EPHA4: variants seen among roughly 807,000 people sequenced by gnomAD.
EPHA4 encodes the protein ephrin type-A receptor 4.
EPHA4 carries 19 observed loss-of-function variants against 108.3 expected under a neutral mutation model. The observed-to-expected ratio is 0.18, with a 90% CI of 0.12 to 0.26. EPHA4 has a LOEUF of 0.26. Ranked by LOEUF, EPHA4 falls within the 10% of genes least tolerant of loss-of-function variation. EPHA4 has a pLI of 1.00. For missense variants in EPHA4, 917 were observed against 1,254.0 expected, an observed-to-expected ratio of 0.73 and a Z score of 4.06; for synonymous variants, 449 against 455.5, an observed-to-expected ratio of 0.99 and a Z score of 0.18.
At chr2:221,519,046 A>G (rs1326229857) in intron 3 of EPHA4, among the ~76,000 whole-genome samples, 1 of 152,186 alleles carries the variant, frequency 6.6e-6, no homozygotes, top group Non-Finnish European at 1.5e-5. Flanking sequence ...AATAAATCTT[A>G]TCAAAGGCAG....
At chr2:221,555,085 A>C (rs1694266095) in intron 3 of EPHA4, among the ~76,000 whole-genome samples, 1 of 152,122 alleles carries the variant, frequency 6.6e-6, no homozygotes, top group South Asian at 2.1e-4. Flanking sequence ...TCCTTTTCCA[A>C]AGGTCAAAAT....
At chr2:221,572,326 GA>G, upstream of EPHA4, 1 of 1,344,638 alleles carries the variant, frequency 7.4e-7, no homozygotes. Flanking sequence ...GCAGCGGGCT[GA>G]AGACATTGCC....
intron 17 of EPHA4, 111 bp from the exon 18 acceptor site, chr2:221,420,663 C>G (rs1235968213): frequency 6.6e-6 from 1 of 152,124 alleles, no homozygotes; most frequent in Non-Finnish European, 1.5e-5. Flanking sequence ...TGGTATCCTT[C>G]AGTAAAAGTA....
chr2:221,566,833 G>A (rs1212090208), intron 2 of EPHA4, among the ~76,000 whole-genome samples: 3 of 108,444 alleles, frequency 2.8e-5, no homozygotes, highest in Admixed American at 1.1e-4. Flanking sequence ...GAAGGAGAAG[G>A]AGAAGAAGGA....
intron 5 of EPHA4, among the ~76,000 whole-genome samples, chr2:221,465,528 T>A (rs1691281635): frequency 1.3e-5 from 2 of 152,272 alleles, no homozygotes; most frequent in African/African-American, 4.8e-5. Context: ...AACTGTGAGA[T>A]CCCTTCCCTT....
At chr2:221,532,684 G>A (rs575184025) in intron 3 of EPHA4, 1 of 152,246 alleles carries the variant, frequency 6.6e-6, no homozygotes, top group African/African-American at 2.4e-5. Context: ...GGCCGGGCCA[G>A]GGGCTGCATT....
At position 221,563,749 on chromosome 2, in the gene EPHA4, G is replaced by A. The variant is rs762835852; in HGVS notation, c.805C>T (p.Arg269Trp). 6.3e-5 allele frequency: 101 copies of A among 1,613,948 alleles called. No individual in the cohort carries two copies. Among genetic ancestry groups the A allele is most frequent in the South Asian group, 8.8e-5 (8 of 91,082 alleles). Reference protein sequence around the residue: ...NCLCNAGHEERSGECQACKIG... With the variant: ...NCLCNAGHEEWSGECQACKIG... ...CTCTTACCTTGGCATTCTCCGCTCCGCTCCTCATGCCCAGCGTTGCATAGG... is the reference window on the plus strand; with the variant it reads ...CTCTTACCTTGGCATTCTCCGCTCCACTCCTCATGCCCAGCGTTGCATAGG... The change falls in exon 3 of 18, where the codon CGG becomes TGG. Residue 269 changes from arginine to tryptophan, a missense_variant. Physicochemically the swap from Arg to Trp is moderately radical, Grantham distance 101. Around this residue, in one of 3 missense-constraint regions of EPHA4, gnomAD observed 758 missense variants for 1,076.7 expected, o/e 0.70. Transcript: ENST00000281821.
chr2:221,544,676 G>A (rs1416468146), intron 3 of EPHA4, among the ~76,000 whole-genome samples: 1 of 152,058 alleles, frequency 6.6e-6, no homozygotes, highest in African/African-American at 2.4e-5. Context: ...AATGTGGGGG[G>A]AATGAATTGT....
chr2:221,440,376 CA>C (rs1415391944), intron 11 of EPHA4, among the ~76,000 whole-genome samples: 1 of 152,162 alleles, frequency 6.6e-6, no homozygotes, highest in Non-Finnish European at 1.5e-5. Context: ...ACAGGAAAAA[CA>C]CCCTAAGCTG....
At chr2:221,447,821 T>TTTTATTTATGTATTTATTTA (rs1553570832) in intron 8 of EPHA4, among the ~76,000 whole-genome samples, 12 of 147,560 alleles carry the variant, frequency 8.1e-5, no homozygotes, top group African/African-American at 3.0e-4. Context: ...AAGGGTCTAT[T>TTTTATTTATGTATTTATTTA]TTTATTTATT....
intron 17 of EPHA4, among the ~76,000 whole-genome samples, chr2:221,423,318 T>C (rs1290119833): frequency 6.6e-6 from 1 of 152,210 alleles, no homozygotes; most frequent in East Asian, 1.9e-4. Flanking sequence ...TTAGAATCCA[T>C]AGCTGTCCGG....
At chr2:221,565,960 C>A (rs536866739) in intron 2 of EPHA4, among the ~76,000 whole-genome samples, 1 of 152,250 alleles carries the variant, frequency 6.6e-6, no homozygotes, top group East Asian at 1.9e-4. Flanking sequence ...AACTTTGCAG[C>A]CTGAACGTAA....
intron 3 of EPHA4, among the ~76,000 whole-genome samples, chr2:221,559,962 T>C (rs1022800385): frequency 1.2e-4 from 18 of 152,256 alleles, no homozygotes; most frequent in African/African-American, 4.3e-4. Flanking sequence ...AAAGCCACCA[T>C]CCCCCTGCCC....
chr2:221,482,549 G>A lies in EPHA4; in HGVS notation c.1121C>T (p.Pro374Leu), dbSNP rs867434076. 3 of 1,614,074 alleles carry A rather than the reference G, an allele frequency of 1.9e-6. No homozygotes were observed. In the South Asian group the frequency reaches 3.3e-5, roughly 18 times the overall value. The stretch of plus-strand genomic sequence containing the variant: ...ACTTCCACAGGGTCGGCACTTGCTG[G>A]GGTCACCAGCTCCACATTTCTTGCA... The part of the protein sequence containing the change: ...VVCKKCGAGD[P>L]SKCRPCGSGV... The change falls in exon 5 of 18, where the codon CCC becomes CTC. Residue 374 changes from proline to leucine, a missense_variant. Transcript: ENST00000281821.
At chr2:221,524,679 A>G (rs1330933853) in intron 3 of EPHA4, among the ~76,000 whole-genome samples, 1 of 152,240 alleles carries the variant, frequency 6.6e-6, no homozygotes, top group Non-Finnish European at 1.5e-5. Flanking sequence ...AGGTGCAAAT[A>G]TGCTTTAACG....
At chr2:221,429,036 A>G (rs1042316786) in intron 15 of EPHA4, among the ~76,000 whole-genome samples, 1 of 152,204 alleles carries the variant, frequency 6.6e-6, no homozygotes, top group Non-Finnish European at 1.5e-5. Context: ...ATGTCCTCCT[A>G]TTTTTAACAC....
At chr2:221,559,827 G>A (rs1038492800) in intron 3 of EPHA4, among the ~76,000 whole-genome samples, 1 of 152,138 alleles carries the variant, frequency 6.6e-6, no homozygotes, top group Non-Finnish European at 1.5e-5. Flanking sequence ...TAACTCCTGC[G>A]ATACATTCTC....
At chr2:221,455,526 G>A (rs1690917766) in intron 8 of EPHA4, 21 bp downstream of exon 8, 2 of 1,581,048 alleles carry the variant, frequency 1.3e-6, no homozygotes, top group African/African-American at 2.7e-5. Context: ...GGGCTGCACA[G>A]TGAGTGGCTT....
intron 2 of EPHA4, among the ~76,000 whole-genome samples, chr2:221,566,827 G>A (rs188233038): frequency 1.1e-4 from 14 of 127,544 alleles, no homozygotes; most frequent in Non-Finnish European, 1.3e-4. Context: ...GGAGAAGAAG[G>A]AGAAGGAGAA....
Sources: allele counts gnomAD v4.1 joint callset (sites outside exome capture counted in the v4.1 genomes callset), GRCh38; gene constraint gnomAD v4.1.1; regional missense constraint gnomAD v4.1.1; transcripts MANE v1.5; gene names NCBI Gene and HGNC (gene_info 2026-07-23, HGNC 2026-07-21).